UBE3D: variants seen among roughly 807,000 people sequenced by gnomAD.
UBE3D encodes the protein ubiquitin protein ligase E3D.
UBE3D carries 48 observed loss-of-function variants against 49.6 expected under a neutral mutation model. That is an observed-to-expected ratio of 0.97 (90% CI 0.77 to 1.23). UBE3D has a LOEUF of 1.23. Among genes scored for constraint, UBE3D ranks in the 50% most tolerant of loss-of-function variants. The pLI, the probability that UBE3D is intolerant of heterozygous loss-of-function variation, is 0.00. For missense variants in UBE3D, 452 were observed against 468.4 expected (o/e 0.96, Z 0.32); for synonymous variants, 189 against 174.2 (o/e 1.08, Z -0.67).
chr6:82,986,469 T>TC (rs1195405831), intron 8 of UBE3D, among the ~76,000 whole-genome samples: 1 of 43,800 alleles, frequency 2.3e-5, no homozygotes, highest in South Asian at 8.9e-4. Context: ...ACACTCTGTC[T>TC]CAAAAAAAAA....
intron 7 of UBE3D, among the ~76,000 whole-genome samples, chr6:83,020,677 A>T (rs965432303): frequency 1.3e-5 from 2 of 152,238 alleles, no homozygotes; most frequent in Non-Finnish European, 2.9e-5. Context: ...ATTTACTATC[A>T]AAATCAGTCA....
intron 9 of UBE3D, among the ~76,000 whole-genome samples, chr6:82,957,077 C>T (rs958643864): frequency 2.6e-5 from 4 of 151,998 alleles, no homozygotes; most frequent in Non-Finnish European, 5.9e-5. Context: ...TGCTGTGAGC[C>T]GAGATTGCAC....
chr6:82,885,153 G>A, the UBE3D span, among the ~76,000 whole-genome samples: 10 of 146,616 alleles, frequency 6.8e-5, no homozygotes, highest in Admixed American at 4.5e-4. Context: ...ATAATTAAAA[G>A]TAGAATAGAA....
intron 5 of UBE3D, among the ~76,000 whole-genome samples, chr6:83,026,283 C>CA (rs1336701012): frequency 6.6e-6 from 1 of 151,848 alleles, no homozygotes; most frequent in African/African-American, 2.4e-5. Context: ...CCTGTCTCTA[C>CA]AAAAAATTCT....
Position 83,002,664 on chromosome 6 carries a change from G to A in UBE3D, c.1010+16309C>T, listed in dbSNP as rs142353902. On this transcript the variant is annotated intron_variant, in intron 8 of 9. Transcript: ENST00000369747. ...TGCGCCATTGCACTCCAGCCTGGGC[G>A]ACAGAGTGAGACTCCGTCACAAACA... is the stretch of plus-strand genomic sequence containing the variant. 9.9e-3 allele frequency among the ~76,000 whole-genome samples: 1,513 copies of A among 152,334 alleles called. 24 individuals carry two copies. The highest frequency in any genetic ancestry group is 0.034 in the African/African-American group (1,429 of 41,580).
chr6:82,907,115 G>A (rs373966521), intron 9 of UBE3D, among the ~76,000 whole-genome samples: 1 of 152,098 alleles, frequency 6.6e-6, no homozygotes, highest in Non-Finnish European at 1.5e-5. Context: ...CCAGAAAAAG[G>A]CTCACCACAA....
At chr6:83,013,788 C>G (rs1460441206) in intron 8 of UBE3D, among the ~76,000 whole-genome samples, 1 of 151,596 alleles carries the variant, frequency 6.6e-6, no homozygotes, top group African/African-American at 2.4e-5. Context: ...CTCTGGCAGG[C>G]AAATCTCTCA....
chr6:82,952,598 ATTT>A (rs1358401283), intron 9 of UBE3D, among the ~76,000 whole-genome samples: 1 of 151,890 alleles, frequency 6.6e-6, no homozygotes, highest in Non-Finnish European at 1.5e-5. Flanking sequence ...TAATTTTTTA[ATTT>A]TTTACATAGA....
intron 8 of UBE3D, among the ~76,000 whole-genome samples, chr6:83,011,087 C>T (rs1277815459): frequency 1.3e-5 from 2 of 152,152 alleles, no homozygotes; most frequent in African/African-American, 2.4e-5. Flanking sequence ...AACTATCCTT[C>T]ATACAACGGA....
rs1483693808 is a variant in UBE3D, at chr6:83,062,040, TTTTG to T, written c.77+3598_77+3601del. The stretch of plus-strand genomic sequence containing the variant: ...TGTAACTTTTTTCTCCCCATTCCTT[TTTTG>T]TTTAATTTTTTTCTCCACTTCTATC... On this transcript the variant is annotated intron_variant, in intron 1 of 9. Transcript: ENST00000369747. 7.9e-5 allele frequency among the ~76,000 whole-genome samples: 12 copies of T among 152,338 alleles called. No individual in the cohort carries two copies. In the East Asian group the frequency reaches 1.3e-3, roughly 17 times the overall value.
chr6:82,941,820 C>A (rs1446018422), intron 9 of UBE3D, among the ~76,000 whole-genome samples: 1 of 152,162 alleles, frequency 6.6e-6, no homozygotes, highest in Non-Finnish European at 1.5e-5. Context: ...TGAAGAGGTA[C>A]CTTCTGCCAT....
downstream of UBE3D, among the ~76,000 whole-genome samples, chr6:82,888,619 C>T (rs1219977508): frequency 2.0e-5 from 3 of 152,190 alleles, no homozygotes; most frequent in African/African-American, 7.2e-5. Context: ...ACGACTAGGA[C>T]ACAAATCCTG....
chr6:83,054,468 A>G (rs575898466), intron 2 of UBE3D, among the ~76,000 whole-genome samples: 2 of 152,184 alleles, frequency 1.3e-5, no homozygotes, highest in South Asian at 4.1e-4. Context: ...ACTGCTCTAG[A>G]TTACGCATGT....
At chr6:83,006,753 G>T (rs1437675380) in intron 8 of UBE3D, among the ~76,000 whole-genome samples, 1 of 152,158 alleles carries the variant, frequency 6.6e-6, no homozygotes, top group Admixed American at 6.5e-5. Flanking sequence ...GGTTACCAGA[G>T]GCTGGGGTGA....
At chr6:82,978,850 A>G (rs1219334040) in intron 8 of UBE3D, among the ~76,000 whole-genome samples, 1 of 152,170 alleles carries the variant, frequency 6.6e-6, no homozygotes, top group Non-Finnish European at 1.5e-5. Flanking sequence ...GGATGCAAAA[A>G]CATATTTTGT....
intron 8 of UBE3D, among the ~76,000 whole-genome samples, chr6:82,993,998 A>G (rs959915289): frequency 6.6e-6 from 1 of 152,224 alleles, no homozygotes; most frequent in Non-Finnish European, 1.5e-5. Flanking sequence ...TTCACCAGTA[A>G]AGGTACTATT....
At chr6:82,929,504 TA>T (rs1384611957) in intron 9 of UBE3D, among the ~76,000 whole-genome samples, 1 of 152,182 alleles carries the variant, frequency 6.6e-6, no homozygotes. Context: ...TTCCTCTTTC[TA>T]AAGATGCCCT....
At chr6:83,058,644 C>T (rs577883437) in intron 1 of UBE3D, among the ~76,000 whole-genome samples, 1 of 152,362 alleles carries the variant, frequency 6.6e-6, no homozygotes, top group Admixed American at 6.5e-5. Flanking sequence ...AGTACCATGG[C>T]TCCCTCTTAA....
chr6:82,894,786 C>T (rs373755567), intron 9 of UBE3D, among the ~76,000 whole-genome samples: 11 of 152,288 alleles, frequency 7.2e-5, no homozygotes, highest in Admixed American at 2.0e-4. Flanking sequence ...TTAGGGCTCA[C>T]TGTGGGCAGC....
Sources: allele counts gnomAD v4.1 joint callset (sites outside exome capture counted in the v4.1 genomes callset), GRCh38; gene constraint gnomAD v4.1.1; transcripts MANE v1.5; gene names NCBI Gene and HGNC (gene_info 2026-07-23, HGNC 2026-07-21).